CCKBR: variants seen among roughly 807,000 people sequenced by gnomAD.
CCKBR encodes the protein gastrin/cholecystokinin type B receptor.
A neutral mutation model predicts 34.6 loss-of-function variants in CCKBR; 33 were observed. The observed-to-expected ratio is 0.95, with a 90% CI of 0.72 to 1.27. CCKBR has a LOEUF of 1.27. CCKBR is among the 50% of genes most tolerant of loss of function. The pLI is 0.00. For synonymous variants in CCKBR, 269 were observed against 267.5 expected (o/e 1.01, Z -0.06); for missense variants, 652 against 617.4 (o/e 1.06, Z -0.59).
At position 6,259,876 on chromosome 11, in the gene CCKBR, C is replaced by CG; in HGVS notation, c.-52dup. 1 of 1,363,974 alleles carries CG rather than the reference C, an allele frequency of 7.3e-7. No individual in the cohort carries two copies. Among genetic ancestry groups the CG allele is most frequent in the African/African-American group, 1.5e-5 (1 of 64,694 alleles). 84.5% of individuals were successfully genotyped at this position (1,363,974 alleles called of 1,614,324 possible). On this transcript the variant is annotated 5_prime_UTR_variant, in exon 1 of 5. Coordinates refer to ENST00000334619, the MANE Select transcript of CCKBR (RefSeq NM_176875.4). ...ATCGCAGCGTGAGCAGGTGGAGCCGCGTTGGGAGCCCGCCGGGTCGAGCTG... is the reference window on the plus strand; with the variant it reads ...ATCGCAGCGTGAGCAGGTGGAGCCGCGGTTGGGAGCCCGCCGGGTCGAGCTG...
At chr11:6,260,303 T>C (rs1848110705) in intron 1 of CCKBR, among the ~76,000 whole-genome samples, 1 of 151,618 alleles carries the variant, frequency 6.6e-6, no homozygotes, top group East Asian at 1.9e-4. Context: ...CACATCCTGG[T>C]CCCCTGAATA....
At chr11:6,270,548 A>C in intron 3 of CCKBR, 98 bp from the exon 4 acceptor site, 1 of 1,434,368 alleles carries the variant, frequency 7.0e-7, no homozygotes, top group Non-Finnish European at 9.5e-7. Flanking sequence ...TACTTCAGGT[A>C]CCTGGCCACA....
chr11:6,261,453 AAAT>A (rs1848129131), intron 1 of CCKBR, among the ~76,000 whole-genome samples: 1 of 54,862 alleles, frequency 1.8e-5, no homozygotes, highest in Non-Finnish European at 3.8e-5. Context: ...AAAAAAAAAA[AAAT>A]ATATATACAC....
intron 1 of CCKBR, chr11:6,264,347 T>TA: frequency 1.8e-6 from 1 of 571,208 alleles, no homozygotes; most frequent in Non-Finnish European, 3.1e-6. Context: ...AACCTGCCAG[T>TA]AGAATGCAGA....
chr11:6,259,963 G>A lies in CCKBR; in HGVS notation c.35G>A (p.Gly12Glu), dbSNP rs929801752. ...CTAAAGCTGAACCGGAGCGTGCAGGGAACCGGACCCGGGCCGGGGGCTTCC... is the reference window on the plus strand; with the variant it reads ...CTAAAGCTGAACCGGAGCGTGCAGGAAACCGGACCCGGGCCGGGGGCTTCC... ...ELLKLNRSVQ[G>E]TGPGPGASLC... The change falls in exon 1 of 5, where the codon GGA becomes GAA. Residue 12 changes from glycine (G) to glutamate (E), a missense_variant. Transcript: ENST00000334619. The A allele has an allele frequency of 2.6e-6, 4 of 1,543,638 alleles. No homozygotes were observed. The highest frequency in any genetic ancestry group is 4.2e-5 in the Admixed American group (2 of 48,142).
At chr11:6,264,824 C>T (rs74506890) in intron 1 of CCKBR, among the ~76,000 whole-genome samples, 6,974 of 152,208 alleles carry the variant, frequency 0.046, 167 homozygotes, top group Non-Finnish European at 0.057. Context: ...TTTAAGTTTA[C>T]AAAAATTACA....
Position 6,259,845 on chromosome 11 carries a change from G to A in CCKBR, c.-84G>A. The A allele has an allele frequency of 2.5e-6, 3 of 1,197,100 alleles. No individual in the cohort carries two copies. The highest frequency in any genetic ancestry group is 3.3e-6 in the Non-Finnish European group (3 of 908,274). The allele number at this position is 1,197,100 out of a possible 1,614,324, so 74.2% of individuals were successfully genotyped here. The stretch of plus-strand genomic sequence containing the variant: ...GGAGAGGAGGGCGGCGGGAGCCTGA[G>A]CCGGAATCGCAGCGTGAGCAGGTGG... On this transcript the variant is annotated 5_prime_UTR_variant, in exon 1 of 5. Coordinates refer to ENST00000334619, the MANE Select transcript of CCKBR (RefSeq NM_176875.4).
chr11:6,271,447 C>G lies in CCKBR; in HGVS notation c.1248C>G (p.Arg416=), dbSNP rs757730115. 1.2e-6 allele frequency: 2 copies of G among 1,613,448 alleles called. No individual in the cohort carries two copies. The highest frequency in any genetic ancestry group is 1.7e-6 in the Non-Finnish European group (2 of 1,180,034). The part of the protein sequence containing the change: ...ARCCPRPPRA[R]PRALPDEDPP... The stretch of plus-strand genomic sequence containing the variant: ...GCTGCCCCCGGCCTCCACGAGCTCG[C>G]CCCAGGGCTCTTCCCGATGAGGACC... Residue 416 remains arginine, a synonymous_variant, in exon 5 of 5, where the codon CGC becomes CGG. Transcript: ENST00000334619.
rs1414359296 is a variant in CCKBR at position 6,271,711 on chromosome 11, GAGCAGT to G, written c.*170_*175del. 3 of 670,254 alleles carry G rather than the reference GAGCAGT, an allele frequency of 4.5e-6. No homozygotes were observed. The highest frequency in any genetic ancestry group is 7.4e-6 in the Non-Finnish European group (3 of 405,260). 41.5% of individuals were successfully genotyped at this position (670,254 alleles called of 1,614,324 possible). On this transcript the variant is annotated 3_prime_UTR_variant, in exon 5 of 5. Coordinates refer to ENST00000334619, the MANE Select transcript of CCKBR (RefSeq NM_176875.4). ...ACCTGACACAAGAGGAATAAGAATG[GAGCAGT>G]ACATGGGAAAGGAGGCATGCCTCTG...
chr11:6,271,519 C>G lies in CCKBR; in HGVS notation c.1320C>G (p.Thr440=). 6.2e-7 allele frequency: 1 copy of G among 1,601,420 alleles called. No individual in the cohort carries two copies. The highest frequency in any genetic ancestry group is 8.5e-7 in the Non-Finnish European group (1 of 1,173,696). ...IASLSRLSYT[T]ISTLGPG is the part of the protein sequence containing the mutation. ...CGCTGTCCAGGCTTAGCTACACCAC[C>G]ATCAGCACACTGGGCCCTGGCTGAG... The change falls in exon 5 of 5, where the codon ACC becomes ACG. Residue 440 remains threonine, a synonymous_variant. Coordinates refer to ENST00000334619, the MANE Select transcript of CCKBR (RefSeq NM_176875.4).
chr11:6,261,454 A>AAT (rs1554918943), intron 1 of CCKBR, among the ~76,000 whole-genome samples: 1,269 of 60,858 alleles, frequency 0.021, 123 homozygotes, highest in African/African-American at 0.074. Flanking sequence ...AAAAAAAAAA[A>AAT]ATATATATAC....
chr11:6,266,289 G>A (rs145363961), intron 1 of CCKBR, among the ~76,000 whole-genome samples: 47 of 152,144 alleles, frequency 3.1e-4, no homozygotes, highest in African/African-American at 1.1e-3. Context: ...TCGGGAGTTC[G>A]AGACCAGCCT....
At chr11:6,264,628 C>T (rs1280066741) in intron 1 of CCKBR, 1 of 680,314 alleles carries the variant, frequency 1.5e-6, no homozygotes, top group East Asian at 2.7e-5. Flanking sequence ...GGATGTACCC[C>T]AGCAGGTGCT....
intron 1 of CCKBR, among the ~76,000 whole-genome samples, chr11:6,266,088 G>C (rs1848205142): frequency 6.6e-6 from 1 of 152,182 alleles, no homozygotes; most frequent in Admixed American, 6.5e-5. Context: ...GAAGCTCCTA[G>C]TCTAGTGGGG....
At chr11:6,269,627 A>G in intron 1 of CCKBR, 42 bp from the exon 2 acceptor site, 1 of 1,600,756 alleles carries the variant, frequency 6.2e-7, no homozygotes, top group Non-Finnish European at 8.5e-7. Context: ...TGACTGAATG[A>G]AGGCTGACCC....
Position 6,266,052 on chromosome 11 carries a change from G to A in CCKBR, c.152-3617G>A, listed in dbSNP as rs150445301. Among the ~76,000 whole-genome samples, 889 of 152,292 alleles carry A rather than the reference G, an allele frequency of 5.8e-3. 5 individuals are homozygous for A. Among genetic ancestry groups the A allele is most frequent in the Non-Finnish European group, 0.01 (691 of 68,020 alleles). ...GAGTGCTAGGGATATACTGGAGAGC[G>A]AGATGGACCTTGCCACTGTCCTCAA... On this transcript the variant is annotated intron_variant, in intron 1 of 4. Transcript: ENST00000334619.
Position 6,271,644 on chromosome 11 carries a change from C to G in CCKBR, c.*101C>G, listed in dbSNP as rs1590675238. ...CACAACTGACACAGGAAACCAACAC[C>G]CAAAGCATGGACTAACCCCAACGCA... On this transcript the variant is annotated 3_prime_UTR_variant, in exon 5 of 5. Coordinates refer to ENST00000334619, the MANE Select transcript of CCKBR (RefSeq NM_176875.4). The G allele has an allele frequency of 2.5e-6, 3 of 1,213,934 alleles. No homozygotes were observed. In the East Asian group the frequency reaches 7.5e-5, roughly 30 times the overall value. 75.2% of individuals were successfully genotyped at this position (1,213,934 alleles called of 1,614,324 possible).
intron 1 of CCKBR, among the ~76,000 whole-genome samples, chr11:6,262,592 T>C (rs4758402): frequency 0.054 from 8,186 of 151,946 alleles, 217 homozygotes; most frequent in African/African-American, 0.062. Flanking sequence ...GGCTTGACTA[T>C]GGTAGGTTAA....
At position 6,271,622 on chromosome 11, in the gene CCKBR, A is replaced by AACTG. The variant is rs1848319354; in HGVS notation, c.*82_*85dup. The AACTG allele has an allele frequency of 7.3e-7, 1 of 1,378,896 alleles. No homozygotes were observed. The highest frequency in any genetic ancestry group is 9.7e-7 in the Non-Finnish European group (1 of 1,030,398). 85.4% of individuals were successfully genotyped at this position (1,378,896 alleles called of 1,614,324 possible). On this transcript the variant is annotated 3_prime_UTR_variant, in exon 5 of 5. Coordinates refer to ENST00000334619, the MANE Select transcript of CCKBR (RefSeq NM_176875.4). ...TCCAGACATACGAAACACAAACCAC[A>AACTG]ACTGACACAGGAAACCAACACCCAA...
Sources: gnomAD v4.1 joint callset for allele counts (sites outside exome capture counted in the v4.1 genomes callset) on GRCh38, gnomAD v4.1.1 for gene constraint, MANE v1.5 for transcripts, NCBI Gene and HGNC (gene_info 2026-07-23, HGNC 2026-07-21) for gene names.